MBD5: variants seen among roughly 807,000 people sequenced by gnomAD.
MBD5 encodes methyl-CpG-binding domain protein 5.
Under a neutral mutation model 117.3 loss-of-function variants are expected in MBD5, and 13 were observed. That is an observed-to-expected ratio of 0.11 (90% CI 0.07 to 0.18). The LOEUF is 0.18. Ranked by LOEUF, MBD5 falls within the 10% of genes least tolerant of loss-of-function variation. The pLI, the probability that MBD5 is intolerant of heterozygous loss-of-function variation, is 1.00. For synonymous variants in MBD5, 727 were observed against 766.4 expected, an observed-to-expected ratio of 0.95 and a Z score of 0.85; for missense variants, 1,879 against 2,093.8, an observed-to-expected ratio of 0.90 and a Z score of 2.00.
intron 2 of MBD5, among the ~76,000 whole-genome samples, chr2:148,231,305 T>C (rs1426572797): frequency 6.6e-6 from 1 of 152,080 alleles, no homozygotes; most frequent in African/African-American, 2.4e-5. Flanking sequence ...ATCAGCTGTG[T>C]TTGGTCTACT....
At chr2:148,380,448 A>G (rs1159038625) in intron 4 of MBD5, among the ~76,000 whole-genome samples, 1 of 152,220 alleles carries the variant, frequency 6.6e-6, no homozygotes, top group Admixed American at 6.5e-5. Flanking sequence ...ATAAAAGACC[A>G]TACCAAAAAG....
At chr2:148,367,330 GA>G (rs537319795) in intron 4 of MBD5, among the ~76,000 whole-genome samples, 51 of 152,292 alleles carry the variant, frequency 3.3e-4, no homozygotes, top group Admixed American at 2.7e-3. Context: ...ATGAACTCAA[GA>G]TGGATTAAAG....
chr2:148,032,351 A>G (rs1303717736), intron 1 of MBD5, among the ~76,000 whole-genome samples: 1 of 152,172 alleles, frequency 6.6e-6, no homozygotes, highest in Non-Finnish European at 1.5e-5. Flanking sequence ...AGAGGTACGT[A>G]ATATGAGGGC....
At position 148,490,464 on chromosome 2, in the gene MBD5, A is replaced by T. The variant is rs765718071; in HGVS notation, c.4832A>T (p.Tyr1611Phe). ...CCCTCTTCAAATGAATTGATACATT[A>T]TAGACCAAGGACGTTCAATGTTGGC... ...DSPSSNELIH[Y>F]RPRTFNVGDL... The change falls in exon 11 of 14, where the codon TAT becomes TTT. Residue 1611 changes from tyrosine to phenylalanine, a missense_variant. By Grantham distance (22) the Tyr-to-Phe change is conservative. Around this residue, in one of 4 missense-constraint regions of MBD5, gnomAD observed 135 missense variants for 148.0 expected, o/e 0.91. Transcript: ENST00000642680. 6.2e-7 allele frequency: 1 copy of T among 1,614,234 alleles called. No homozygotes were observed. The highest frequency in any genetic ancestry group is 2.2e-5 in the East Asian group (1 of 44,878).
At chr2:148,211,215 GT>G (rs1699414904) in intron 2 of MBD5, among the ~76,000 whole-genome samples, 1 of 152,052 alleles carries the variant, frequency 6.6e-6, no homozygotes, top group African/African-American at 2.4e-5. Context: ...TCCTTTACAT[GT>G]TAAAGCTGAA....
At chr2:148,374,876 T>C (rs1574349317) in intron 4 of MBD5, among the ~76,000 whole-genome samples, 3 of 152,346 alleles carry the variant, frequency 2.0e-5, no homozygotes, top group Admixed American at 2.0e-4. Context: ...TTTTAAATTA[T>C]TTTTTACTCC....
chr2:148,226,037 T>G (rs1245191630), intron 2 of MBD5, among the ~76,000 whole-genome samples: 1 of 152,150 alleles, frequency 6.6e-6, no homozygotes, highest in African/African-American at 2.4e-5. Flanking sequence ...TGAGTAAACT[T>G]TCTGCCTCTA....
At chr2:148,126,591 C>T (rs899189579) in intron 1 of MBD5, among the ~76,000 whole-genome samples, 1 of 151,996 alleles carries the variant, frequency 6.6e-6, no homozygotes, top group Non-Finnish European at 1.5e-5. Context: ...AAGGGAAAAA[C>T]GAAGCAATCC....
intron 4 of MBD5, among the ~76,000 whole-genome samples, chr2:148,388,053 T>C (rs1258451701): frequency 6.6e-6 from 1 of 152,196 alleles, no homozygotes; most frequent in Admixed American, 6.5e-5. Context: ...GAATTGGCTC[T>C]GTCAGAAAAT....
Position 148,374,446 on chromosome 2 carries a change from C to CT in MBD5, c.-557+32110_-557+32111insT, listed in dbSNP as rs1437985509. Among the ~76,000 whole-genome samples, 6 of 152,240 alleles carry CT rather than the reference C, an allele frequency of 3.9e-5. No individual in the cohort carries two copies. The East Asian group carries it at 9.6e-4, about 24-fold the overall frequency. On this transcript the variant is annotated intron_variant, in intron 4 of 13. Transcript: ENST00000642680. Reference sequence around the variant, plus strand: ...CGACTTCCTTTTATTTTTCTTGTTACAAGTCTTACTGAGATATCCAGTTGT... The same window carrying CT: ...CGACTTCCTTTTATTTTTCTTGTTACTAAGTCTTACTGAGATATCCAGTTGT...
chr2:148,413,222 A>G (rs757184729), intron 4 of MBD5, among the ~76,000 whole-genome samples: 1 of 152,164 alleles, frequency 6.6e-6, no homozygotes, highest in African/African-American at 2.4e-5. Context: ...TAAGATGATC[A>G]TGTGAATTTT....
chr2:148,273,686 A>C (rs1275850928), intron 3 of MBD5, among the ~76,000 whole-genome samples: 1 of 152,066 alleles, frequency 6.6e-6, no homozygotes, highest in Non-Finnish European at 1.5e-5. Context: ...AACTCTAGAC[A>C]CCAAATTCTC....
chr2:148,267,430 G>A (rs1700884406), intron 3 of MBD5, among the ~76,000 whole-genome samples: 1 of 152,038 alleles, frequency 6.6e-6, no homozygotes, highest in Non-Finnish European at 1.5e-5. Flanking sequence ...TTTTCCTTAT[G>A]AAATATTTTG....
chr2:148,102,841 A>G (rs1408733235), intron 1 of MBD5, among the ~76,000 whole-genome samples: 1 of 151,918 alleles, frequency 6.6e-6, no homozygotes, highest in African/African-American at 2.4e-5. Flanking sequence ...AAAGCAGAAC[A>G]TTGGCACTAC....
At chr2:148,281,337 CTATATCCTTTTCTAA>C (rs1481285284) in intron 3 of MBD5, among the ~76,000 whole-genome samples, 1 of 152,248 alleles carries the variant, frequency 6.6e-6, no homozygotes, top group East Asian at 1.9e-4. Flanking sequence ...GCCTTTTCTA[CTATATCCTTTTCTAA>C]TATATCCTGT....
At chr2:148,296,864 ATTTTTTT>A (rs757371602) in intron 3 of MBD5, among the ~76,000 whole-genome samples, 5 of 61,310 alleles carry the variant, frequency 8.2e-5, no homozygotes, top group Non-Finnish European at 1.2e-4. Context: ...TAGTTCTTCA[ATTTTTTT>A]TTTTTTTTTT....
intron 2 of MBD5, among the ~76,000 whole-genome samples, chr2:148,181,714 A>C (rs1481412481): frequency 2.0e-5 from 3 of 151,988 alleles, no homozygotes; most frequent in African/African-American, 2.4e-5. Context: ...AATTTGTTGT[A>C]TGTGCTCGAT....
intron 2 of MBD5, among the ~76,000 whole-genome samples, chr2:148,180,343 C>CACATATATATATATATATAT (rs757856356): frequency 7.6e-5 from 8 of 105,544 alleles, no homozygotes; most frequent in African/African-American, 2.9e-4. Flanking sequence ...AAAAATTATA[C>CACATATATATATATATATAT]ATATATATAT....
intron 3 of MBD5, among the ~76,000 whole-genome samples, chr2:148,294,698 C>T (rs545305344): frequency 6.6e-6 from 1 of 151,814 alleles, no homozygotes; most frequent in African/African-American, 2.4e-5. Context: ...TAGAGACAGG[C>T]TTTCACTATG....
Sources: gnomAD v4.1 joint callset for allele counts (sites outside exome capture counted in the v4.1 genomes callset) on GRCh38, gnomAD v4.1.1 for gene constraint, gnomAD v4.1.1 regional missense constraint, MANE v1.5 for transcripts, NCBI Gene and HGNC (gene_info 2026-07-23, HGNC 2026-07-21) for gene names.